The following EBPL variants were observed in gnomAD, a reference collection of about 807,000 sequenced individuals.
EBPL encodes EBP like, also known as emopamil-binding protein-like.
Under a neutral mutation model 19.0 loss-of-function variants are expected in EBPL, and 20 were observed. That is an observed-to-expected ratio of 1.05 (90% CI 0.74 to 1.53). The LOEUF is 1.53. Ranked by LOEUF, EBPL falls within the 40% of genes most tolerant of loss-of-function variation. The pLI is 0.00. For synonymous variants in EBPL, 107 were observed against 117.0 expected, an observed-to-expected ratio of 0.91 and a Z score of 0.55; for missense variants, 219 against 261.1, an observed-to-expected ratio of 0.84 and a Z score of 1.11.
chr13:49,689,431 C>A (rs890782274), intron 1 of EBPL, among the ~76,000 whole-genome samples: 1 of 152,102 alleles, frequency 6.6e-6, no homozygotes, highest in Non-Finnish European at 1.5e-5. Flanking sequence ...CTCACTACAA[C>A]CTCCACCTTC....
At chr13:49,666,720 A>AC (rs1483776525) in intron 2 of EBPL, among the ~76,000 whole-genome samples, 4 of 149,946 alleles carry the variant, frequency 2.7e-5, no homozygotes, top group East Asian at 2.0e-4. Flanking sequence ...TCAAAAAAAA[A>AC]AAAAAAAAAA....
intron 2 of EBPL, among the ~76,000 whole-genome samples, chr13:49,665,706 TCAA>T (rs1245562910): frequency 7.0e-6 from 1 of 142,098 alleles, no homozygotes; most frequent in African/African-American, 2.6e-5. Context: ...TGTCCAGCCT[TCAA>T]CAAGTCTTTT....
In EBPL at chr13:49,684,401, T is replaced by A. The variant is rs1327011343; in HGVS notation, c.171+6853A>T. On this transcript the variant is annotated intron_variant, in intron 1 of 3. Coordinates refer to ENST00000242827, the MANE Select transcript of EBPL (RefSeq NM_032565.5). ...TACAAAGGAGAGAGGCCAGGCGTAG[T>A]GGCTCATGCCTGTAATCCCAGCACT... is the stretch of plus-strand genomic sequence containing the variant. Among the ~76,000 whole-genome samples, 8 of 152,358 alleles carry A rather than the reference T, an allele frequency of 5.3e-5. No individual in the cohort carries two copies. The East Asian group carries it at 1.5e-3, about 29-fold the overall frequency.
At chr13:49,673,802 T>A (rs1953844548) in intron 1 of EBPL, among the ~76,000 whole-genome samples, 3 of 152,122 alleles carry the variant, frequency 2.0e-5, no homozygotes, top group African/African-American at 4.8e-5. Context: ...ACATTGTTAG[T>A]GGTTGCCAGG....
chr13:49,667,408 C>T (rs902147263), intron 2 of EBPL, among the ~76,000 whole-genome samples: 2 of 152,068 alleles, frequency 1.3e-5, no homozygotes, highest in Non-Finnish European at 2.9e-5. Context: ...ACAGTGGAGA[C>T]CAGGAGATGC....
chr13:49,688,227 G>A (rs781008896), intron 1 of EBPL, among the ~76,000 whole-genome samples: 5 of 152,194 alleles, frequency 3.3e-5, no homozygotes, highest in Non-Finnish European at 5.9e-5. Context: ...CAGGTAGGCT[G>A]ATGGGAAGTC....
At chr13:49,661,793 G>T in intron 3 of EBPL, 1 of 1,525,900 alleles carries the variant, frequency 6.6e-7, no homozygotes. Flanking sequence ...CTCTAAAATT[G>T]GGTGGGGAAG....
chr13:49,671,561 T>C (rs564324854), intron 1 of EBPL, among the ~76,000 whole-genome samples: 1 of 152,208 alleles, frequency 6.6e-6, no homozygotes, highest in East Asian at 1.9e-4. Context: ...CAGCCAATTT[T>C]TTATTTTTAG....
chr13:49,689,356 C>CT (rs931101780), intron 1 of EBPL, among the ~76,000 whole-genome samples: 30 of 152,016 alleles, frequency 2.0e-4, no homozygotes, highest in South Asian at 8.3e-4. Flanking sequence ...AAACATTTTT[C>CT]TTTTTTTTCC....
At chr13:49,689,180 A>G (rs900971829) in intron 1 of EBPL, among the ~76,000 whole-genome samples, 1 of 152,224 alleles carries the variant, frequency 6.6e-6, no homozygotes, top group Non-Finnish European at 1.5e-5. Flanking sequence ...GTGTATTCAC[A>G]CAGTGGACTA....
chr13:49,682,269 TTTGA>T (rs1465886551), intron 1 of EBPL, among the ~76,000 whole-genome samples: 1 of 152,114 alleles, frequency 6.6e-6, no homozygotes, highest in African/African-American at 2.4e-5. Context: ...CAGTATACTG[TTTGA>T]TTTAGGACTT....
intron 1 of EBPL, among the ~76,000 whole-genome samples, chr13:49,677,752 C>T: frequency 6.6e-6 from 1 of 152,188 alleles, no homozygotes; most frequent in East Asian, 1.9e-4. Context: ...ACTAAAAACA[C>T]AAAATACAAA....
chr13:49,668,634 A>G (rs970259567), intron 2 of EBPL: 6 of 411,226 alleles, frequency 1.5e-5, no homozygotes, highest in Admixed American at 6.3e-5. Flanking sequence ...CAAAACCTGA[A>G]AGCAGTTATC....
At chr13:49,674,584 G>A (rs1210713640) in intron 1 of EBPL, among the ~76,000 whole-genome samples, 1 of 121,456 alleles carries the variant, frequency 8.2e-6, no homozygotes, top group African/African-American at 2.8e-5. Flanking sequence ...CTAAATGAAT[G>A]GGCTTTTTTT....
At chr13:49,677,762 A>G (rs2137500799) in intron 1 of EBPL, among the ~76,000 whole-genome samples, 1 of 152,254 alleles carries the variant, frequency 6.6e-6, no homozygotes, top group South Asian at 2.1e-4. Context: ...CAAAATACAA[A>G]TATTGTGTCT....
rs754895213 is a variant in EBPL at position 49,691,330 on chromosome 13, A to AGGCGCAGGCCCAG, written c.82_94dup (p.Leu32ProfsTer61). The AGGCGCAGGCCCAG allele has an allele frequency of 5.8e-5, 80 of 1,367,962 alleles. 1 individual carries two copies. In the East Asian group the frequency reaches 2.1e-3, roughly 36 times the overall value. 84.7% of individuals were successfully genotyped at this position (1,367,962 alleles called of 1,614,324 possible). On this transcript the variant is annotated frameshift_variant, in exon 1 of 4. Coordinates refer to ENST00000242827, the MANE Select transcript of EBPL (RefSeq NM_032565.5). LOFTEE classifies it high-confidence loss of function. ...GTCCGCCGCCCCCTGCCCGCGGCCC[A>AGGCGCAGGCCCAG]GGCGCAGGCCCAGGGCGCAGCCCGC...
chr13:49,686,693 G>A (rs1954002465), intron 1 of EBPL: 1 of 1,160,458 alleles, frequency 8.6e-7, no homozygotes, highest in Non-Finnish European at 1.1e-6. Context: ...CTGGGGCTTC[G>A]TGCTATCTCC....
chr13:49,668,320 C>T (rs986560235), intron 2 of EBPL: 16 of 218,390 alleles, frequency 7.3e-5, no homozygotes, highest in East Asian at 4.9e-4. Flanking sequence ...ATGCCTATAA[C>T]CCCAGCACTT....
intron 1 of EBPL, among the ~76,000 whole-genome samples, chr13:49,679,186 A>G (rs1336990534): frequency 6.6e-6 from 1 of 152,208 alleles, no homozygotes; most frequent in Non-Finnish European, 1.5e-5. Flanking sequence ...TTTATATTAA[A>G]TGAACTGTAC....
Sources: gnomAD v4.1 joint callset for allele counts (sites outside exome capture counted in the v4.1 genomes callset) on GRCh38, gnomAD v4.1.1 for gene constraint, MANE v1.5 for transcripts, NCBI Gene and HGNC (gene_info 2026-07-23, HGNC 2026-07-21) for gene names.